DENND5B: variants seen among roughly 807,000 people sequenced by gnomAD.
The protein encoded by DENND5B is DENN domain-containing protein 5B.
A neutral mutation model predicts 140.6 loss-of-function variants in DENND5B; 34 were observed. That is an observed-to-expected ratio of 0.24 (90% CI 0.18 to 0.32). The LOEUF (loss-of-function observed/expected upper bound fraction) is 0.32. Among genes scored for constraint, DENND5B ranks in the 10% least tolerant of loss-of-function variants. DENND5B has a pLI of 1.00. For synonymous variants in DENND5B, 551 were observed against 562.1 expected, an observed-to-expected ratio of 0.98 and a Z score of 0.28; for missense variants, 1,142 against 1,560.2, an observed-to-expected ratio of 0.73 and a Z score of 4.52.
chr12:31,402,652 A>G lies in DENND5B; in HGVS notation c.2804-9T>C, dbSNP rs1399811628. ...TGACCTATACGGAATCACTGAAAGAAAAATGCAGAAATTAATTAAAAAGCG... is the reference window on the plus strand; with the variant it reads ...TGACCTATACGGAATCACTGAAAGAGAAATGCAGAAATTAATTAAAAAGCG... On this transcript the variant is annotated splice_polypyrimidine_tract_variant and intron_variant, in intron 14 of 20. Transcript: ENST00000389082. The G allele has an allele frequency of 6.3e-7, 1 of 1,583,902 alleles. No homozygotes were observed. The highest frequency in any genetic ancestry group is 8.6e-7 in the Non-Finnish European group (1 of 1,165,162).
chr12:31,501,877 C>A (rs1947019998), intron 1 of DENND5B, among the ~76,000 whole-genome samples: 2 of 151,856 alleles, frequency 1.3e-5, no homozygotes, highest in African/African-American at 4.8e-5. Context: ...ATGTACCATA[C>A]TACGAGAGGT....
At chr12:31,482,159 C>T (rs954712445) in intron 2 of DENND5B, among the ~76,000 whole-genome samples, 2 of 152,200 alleles carry the variant, frequency 1.3e-5, no homozygotes, top group Non-Finnish European at 1.5e-5. Flanking sequence ...ACCCTAAAAA[C>T]TATTGGCTTT....
chr12:31,589,334 T>C (rs1950518807), intron 1 of DENND5B, among the ~76,000 whole-genome samples: 1 of 152,356 alleles, frequency 6.6e-6, no homozygotes, highest in Non-Finnish European at 1.5e-5. Context: ...GAAGAAACAA[T>C]GTGATTACAT....
intron 3 of DENND5B, chr12:31,465,536 T>C (rs1211605463): frequency 1.3e-5 from 2 of 152,124 alleles, no homozygotes; most frequent in African/African-American, 4.8e-5. Flanking sequence ...CCTGGCTAAT[T>C]TTTGTATTTT....
At chr12:31,484,971 A>G (rs1946237600) in intron 2 of DENND5B, among the ~76,000 whole-genome samples, 1 of 149,252 alleles carries the variant, frequency 6.7e-6, no homozygotes, top group Non-Finnish European at 1.5e-5. Flanking sequence ...GGCTGAACCA[A>G]GAAGAAGCTC....
At chr12:31,494,165 TATCTATCTATCTATCTATCCATCCATCC>T (rs1283243764) in intron 2 of DENND5B, among the ~76,000 whole-genome samples, 1 of 72,238 alleles carries the variant, frequency 1.4e-5, no homozygotes, top group African/African-American at 5.3e-5. Flanking sequence ...TCTATCTATC[TATCTATCTATCTATCTATCCATCCATCC>T]ATCCATCCAC....
chr12:31,491,369 C>A (rs1439311395), intron 2 of DENND5B, among the ~76,000 whole-genome samples: 1 of 152,136 alleles, frequency 6.6e-6, no homozygotes, highest in African/African-American at 2.4e-5. Context: ...ATGAGAATCA[C>A]TTGAACACCG....
At chr12:31,435,696 T>C (rs947912649) in intron 7 of DENND5B, among the ~76,000 whole-genome samples, 1 of 152,220 alleles carries the variant, frequency 6.6e-6, no homozygotes, top group African/African-American at 2.4e-5. Context: ...AGTCTTGTTC[T>C]GTCGCCCAGG....
chr12:31,526,298 G>A (rs1232901966), intron 1 of DENND5B, among the ~76,000 whole-genome samples: 1 of 152,146 alleles, frequency 6.6e-6, no homozygotes, highest in Non-Finnish European at 1.5e-5. Context: ...GTCACAAACA[G>A]TTAATGGTTA....
At position 31,418,474 on chromosome 12, in the gene DENND5B, G is replaced by A. The variant is rs11051423; in HGVS notation, c.2471-3026C>T. 1.9e-3 allele frequency among the ~76,000 whole-genome samples: 293 copies of A among 151,008 alleles called. 2 individuals are homozygous for A. Among genetic ancestry groups the A allele is most frequent in the Non-Finnish European group, 1.0e-3 (68 of 67,720 alleles). On this transcript the variant is annotated intron_variant, in intron 11 of 20. Transcript: ENST00000389082. ...TTGTGTGTTTTTTTTTTGTAGAGAC[G>A]GGGTTTTGTCTCTATGTTTATGTTG...
chr12:31,428,971 T>C (rs1943376239), intron 8 of DENND5B, among the ~76,000 whole-genome samples: 1 of 152,106 alleles, frequency 6.6e-6, no homozygotes, highest in Non-Finnish European at 1.5e-5. Flanking sequence ...GACCTCGTGA[T>C]CCACCCGCCT....
chr12:31,571,139 T>G (rs1949808750), intron 1 of DENND5B, among the ~76,000 whole-genome samples: 1 of 150,984 alleles, frequency 6.6e-6, no homozygotes, highest in Non-Finnish European at 1.5e-5. Flanking sequence ...TGCTGCTGCT[T>G]CAAGACTCAG....
chr12:31,494,454 G>A (rs781245458), intron 2 of DENND5B, among the ~76,000 whole-genome samples: 1 of 152,148 alleles, frequency 6.6e-6, no homozygotes, highest in Non-Finnish European at 1.5e-5. Context: ...ACCTAAGGCC[G>A]ATTCATGCTG....
intron 2 of DENND5B, among the ~76,000 whole-genome samples, chr12:31,485,205 G>A (rs1213044585): frequency 6.6e-6 from 1 of 152,162 alleles, no homozygotes; most frequent in Non-Finnish European, 1.5e-5. Flanking sequence ...ATGCCTGACC[G>A]CACATCACAC....
intron 8 of DENND5B, among the ~76,000 whole-genome samples, chr12:31,430,000 C>A (rs971832024): frequency 1.3e-5 from 2 of 151,770 alleles, no homozygotes; most frequent in African/African-American, 4.8e-5. Context: ...AGCCACCGCC[C>A]AGCCTGAATA....
At chr12:31,466,527 T>C (rs981237327) in intron 3 of DENND5B, among the ~76,000 whole-genome samples, 1 of 151,904 alleles carries the variant, frequency 6.6e-6, no homozygotes, top group African/African-American at 2.4e-5. Flanking sequence ...ACCCCGTCTC[T>C]ACTAAAAATA....
intron 8 of DENND5B, among the ~76,000 whole-genome samples, chr12:31,430,184 G>A (rs144425712): frequency 0.02 from 3,063 of 150,114 alleles, 53 homozygotes; most frequent in South Asian, 0.053. Context: ...CACCACACCC[G>A]GCTAGTTTTT....
In DENND5B at chr12:31,590,931, C is replaced by G. The variant is rs1405090542; in HGVS notation, c.-99G>C. 2 of 1,120,920 alleles carry G rather than the reference C, an allele frequency of 1.8e-6. No homozygotes were observed. Among genetic ancestry groups the G allele is most frequent in the Non-Finnish European group, 2.2e-6 (2 of 914,698 alleles). The allele number at this position is 1,120,920 out of a possible 1,614,324, so 69.4% of individuals were successfully genotyped here. ...TCCGGCTGTGGTCTGTGCGCCCGCC[C>G]TAGGGCGACACTGGCGCGCCCATGG... On this transcript the variant is annotated 5_prime_UTR_variant, in exon 1 of 21. An upstream open reading frame in the 5' UTR loses its in-frame stop. Transcript: ENST00000389082.
intron 1 of DENND5B, among the ~76,000 whole-genome samples, chr12:31,573,224 A>C: frequency 6.6e-6 from 1 of 152,228 alleles, no homozygotes; most frequent in Non-Finnish European, 1.5e-5. Context: ...GACAATTTAT[A>C]CTTTAAATCC....
Sources: gnomAD v4.1 joint callset for allele counts (sites outside exome capture counted in the v4.1 genomes callset) on GRCh38, gnomAD v4.1.1 for gene constraint, MANE v1.5 for transcripts, NCBI Gene and HGNC (gene_info 2026-07-23, HGNC 2026-07-21) for gene names.